PPEF1: variants seen among roughly 807,000 people sequenced by gnomAD.
The protein encoded by PPEF1 is serine/threonine-protein phosphatase with EF-hands 1.
In PPEF1, 12 loss-of-function variants were observed where a neutral mutation model predicts 53.3. The observed-to-expected ratio is 0.23, with a 90% CI of 0.14 to 0.36. PPEF1 has a LOEUF of 0.36. Ranked by LOEUF, PPEF1 falls within the 10% of genes least tolerant of loss-of-function variation. The pLI is 1.00. For synonymous variants in PPEF1, 165 were observed against 176.7 expected (o/e 0.93, Z 0.52); for missense variants, 334 against 490.4 (o/e 0.68, Z 3.01).
At chrX:18,782,294 T>C in intron 7 of PPEF1, 72 bp from the exon 8 acceptor site, 1 of 882,683 alleles carries the variant, frequency 1.1e-6, no homozygotes, top group Non-Finnish European at 1.6e-6. Context: ...TGCCAAGGGC[T>C]TCCCTTTTTG....
intron 5 of PPEF1, 41 bp downstream of exon 5, chrX:18,757,782 C>G (rs771733681): frequency 3.0e-6 from 3 of 995,590 alleles, no homozygotes; most frequent in Non-Finnish European, 4.3e-6. Flanking sequence ...TATTTAGGAG[C>G]CTCTTGGTCC....
chrX:18,796,938 C>T, intron 10 of PPEF1, among the ~76,000 whole-genome samples: 1 of 111,198 alleles, frequency 9.0e-6, no homozygotes, highest in Non-Finnish European at 1.9e-5. Context: ...AAATTGTGGC[C>T]TCTGGAAGCC....
At chrX:18,788,304 CAAAAAAAAAAAA>C (rs1214682551) in intron 9 of PPEF1, among the ~76,000 whole-genome samples, 2 of 30,301 alleles carry the variant, frequency 6.6e-5, no homozygotes, top group Non-Finnish European at 1.1e-4. Flanking sequence ...GACTCTGTCT[CAAAAAAAAAAAA>C]AAAAAAAAAA....
intron 1 of PPEF1, among the ~76,000 whole-genome samples, chrX:18,710,908 A>G (rs1376139097): frequency 1.8e-5 from 2 of 111,244 alleles, no homozygotes; most frequent in Non-Finnish European, 3.8e-5. Flanking sequence ...TATTTACAAT[A>G]GCAAAGATAT....
chrX:18,786,599 A>G (rs1260219324), intron 9 of PPEF1, among the ~76,000 whole-genome samples: 1 of 109,210 alleles, frequency 9.2e-6, no homozygotes, highest in African/African-American at 3.3e-5. Flanking sequence ...CCTGGCCAAA[A>G]AGGTGAAACC....
chrX:18,751,118 GGTT>G (rs2045434901), intron 4 of PPEF1, among the ~76,000 whole-genome samples: 1 of 111,531 alleles, frequency 9.0e-6, no homozygotes, highest in African/African-American at 3.3e-5. Context: ...CCGTTCTGTA[GGTT>G]GTTTTTTCAT....
upstream of PPEF1, among the ~76,000 whole-genome samples, chrX:18,704,698 G>A (rs1007894591): frequency 1.5e-4 from 17 of 111,789 alleles, no homozygotes; most frequent in Non-Finnish European, 3.0e-4. Context: ...CTAAAATACC[G>A]TCTCTATTAC....
chrX:18,722,327 C>T (rs2044606159), intron 1 of PPEF1, among the ~76,000 whole-genome samples: 1 of 111,982 alleles, frequency 8.9e-6, no homozygotes, highest in Admixed American at 9.5e-5. Context: ...TTTTAATCAG[C>T]TGTGTCGCAC....
At chrX:18,759,357 G>A (rs1442230670) in intron 5 of PPEF1, among the ~76,000 whole-genome samples, 1 of 111,659 alleles carries the variant, frequency 9.0e-6, no homozygotes, top group Non-Finnish European at 1.9e-5. Flanking sequence ...TTAAGACGGT[G>A]TTAGGAAAGG....
intron 4 of PPEF1, among the ~76,000 whole-genome samples, chrX:18,693,860 G>A (rs868161085): frequency 1.8e-5 from 2 of 111,934 alleles, no homozygotes; most frequent in Non-Finnish European, 3.8e-5. Context: ...GAGCCACCAC[G>A]CCCAGCCAGT....
chrX:18,763,942 G>A (rs1442881805), intron 6 of PPEF1, among the ~76,000 whole-genome samples: 1 of 111,331 alleles, frequency 9.0e-6, no homozygotes, highest in Non-Finnish European at 1.9e-5. Context: ...GCAGGGAGCC[G>A]AGGGGGCTGG....
chrX:18,722,538 C>T (rs1180224584), intron 1 of PPEF1, among the ~76,000 whole-genome samples: 1 of 112,150 alleles, frequency 8.9e-6, no homozygotes, highest in Admixed American at 9.5e-5. Context: ...AAAACCAAAA[C>T]CAAACCAAAC....
At chrX:18,722,377 T>G (rs949798671) in intron 1 of PPEF1, among the ~76,000 whole-genome samples, 6 of 112,138 alleles carry the variant, frequency 5.4e-5, no homozygotes, top group African/African-American at 1.9e-4. Context: ...CCAGGCCCCT[T>G]AAAGGTACAT....
At chrX:18,771,188 A>G (rs893678593) in intron 6 of PPEF1, among the ~76,000 whole-genome samples, 1 of 112,010 alleles carries the variant, frequency 8.9e-6, no homozygotes, top group East Asian at 2.8e-4. Context: ...AAGAACCAAT[A>G]AAATTTGGGT....
chrX:18,783,005 C>T (rs947009454), intron 8 of PPEF1, among the ~76,000 whole-genome samples: 2 of 106,010 alleles, frequency 1.9e-5, no homozygotes, highest in South Asian at 4.4e-4. Flanking sequence ...CCCAGCTACT[C>T]GGGAGGCTGA....
chrX:18,817,944 A>T (rs781247842), intron 12 of PPEF1, 95 bp from the exon 13 acceptor site: 16 of 637,705 alleles, frequency 2.5e-5, no homozygotes, highest in Non-Finnish European at 3.8e-5. Context: ...CAATTCATTT[A>T]AAGTAAAAAT....
At chrX:18,803,295 C>A (rs141823329) in intron 10 of PPEF1, among the ~76,000 whole-genome samples, 1 of 113,073 alleles carries the variant, frequency 8.8e-6, no homozygotes, top group Non-Finnish European at 1.9e-5. Context: ...TGCCTTTCAG[C>A]GGTTTTCCGC....
intron 13 of PPEF1, among the ~76,000 whole-genome samples, chrX:18,820,655 G>A (rs2047016336): frequency 9.0e-6 from 1 of 110,609 alleles, no homozygotes; most frequent in African/African-American, 3.3e-5. Flanking sequence ...AAAGTGCTGG[G>A]ATTACAAGCG....
At chrX:18,788,123 T>C (rs986938417) in intron 9 of PPEF1, among the ~76,000 whole-genome samples, 6 of 110,760 alleles carry the variant, frequency 5.4e-5, no homozygotes, top group South Asian at 3.8e-4. Flanking sequence ...AAGACCATCC[T>C]GGCTAACACG....
Sources: gnomAD v4.1 joint callset for allele counts (sites outside exome capture counted in the v4.1 genomes callset) on GRCh38, gnomAD v4.1.1 for gene constraint, MANE v1.5 for transcripts, NCBI Gene and HGNC (gene_info 2026-07-23, HGNC 2026-07-21) for gene names.